ABHD2: variants seen among roughly 807,000 people sequenced by gnomAD.
ABHD2 encodes abhydrolase domain containing 2, acylglycerol lipase, also known as monoacylglycerol lipase ABHD2.
In ABHD2, 20 loss-of-function variants were observed where a neutral mutation model predicts 48.1. That is an observed-to-expected ratio of 0.42 (90% confidence interval 0.29 to 0.60). ABHD2 has a LOEUF of 0.60. Ranked by LOEUF, ABHD2 falls within the 20% of genes least tolerant of loss-of-function variation. The pLI, the probability that ABHD2 is intolerant of heterozygous loss-of-function variation, is 0.24. For missense variants in ABHD2, 405 were observed against 550.9 expected, an observed-to-expected ratio of 0.74 and a Z score of 2.65; for synonymous variants, 209 against 214.2, an observed-to-expected ratio of 0.98 and a Z score of 0.21.
chr15:89,108,039 G>C (rs1160421050), intron 1 of ABHD2, among the ~76,000 whole-genome samples: 1 of 152,186 alleles, frequency 6.6e-6, no homozygotes, highest in Admixed American at 6.5e-5. Flanking sequence ...ATCTGTGGGT[G>C]TTCATGTCAG....
the ABHD2 span, among the ~76,000 whole-genome samples, chr15:89,064,567 G>C: frequency 6.6e-6 from 1 of 151,972 alleles, no homozygotes; most frequent in Non-Finnish European, 1.5e-5. Context: ...TGGACACTTG[G>C]TACAAATAGT....
chr15:89,154,615 C>T (rs1337850767), intron 4 of ABHD2, among the ~76,000 whole-genome samples: 1 of 151,968 alleles, frequency 6.6e-6, no homozygotes, highest in East Asian at 1.9e-4. Context: ...TTTTTTTCTC[C>T]ACACAAAAGG....
chr15:89,174,974 C>G lies in ABHD2; in HGVS notation c.539-838C>G, dbSNP rs1364092149. On this transcript the variant is annotated intron_variant, in intron 5 of 10. Transcript: ENST00000352732. The surrounding 1 kb of genome is among the most constrained non-coding windows in gnomAD (Gnocchi z 4.1). Reference sequence around the variant, plus strand: ...TCTGTGTATTTTTGAATGAGCCTGCCTCCCTTGGCACCCTGTCCCTATGTC... The same window carrying G: ...TCTGTGTATTTTTGAATGAGCCTGCGTCCCTTGGCACCCTGTCCCTATGTC... Among the ~76,000 whole-genome samples the G allele has an allele frequency of 6.6e-6, 1 of 152,190 alleles. No individual in the cohort carries two copies. Among genetic ancestry groups the G allele is most frequent in the African/African-American group, 2.4e-5 (1 of 41,442 alleles).
chr15:89,061,674 G>C, the ABHD2 span, among the ~76,000 whole-genome samples: 8 of 151,928 alleles, frequency 5.3e-5, no homozygotes, highest in African/African-American at 1.7e-4. Context: ...CCAAGTTCAA[G>C]CCATCCTCCC....
the ABHD2 span, chr15:89,070,086 T>A: frequency 2.0e-5 from 3 of 152,218 alleles, no homozygotes; most frequent in Admixed American, 2.0e-4. Flanking sequence ...ACTTATACTA[T>A]ACAGATGTTG....
At chr15:89,138,294 C>T (rs1235101592) in intron 3 of ABHD2, among the ~76,000 whole-genome samples, 1 of 152,244 alleles carries the variant, frequency 6.6e-6, no homozygotes, top group Non-Finnish European at 1.5e-5. Context: ...GGAGCTGCCA[C>T]AAAGCTTCAC....
intron 3 of ABHD2, among the ~76,000 whole-genome samples, chr15:89,123,674 T>G (rs2050088846): frequency 6.7e-6 from 1 of 149,936 alleles, no homozygotes. Context: ...CATGGCTCAT[T>G]GTAGCCTCAA....
In ABHD2 at chr15:89,102,147, G is replaced by A. The variant is rs2049711094; in HGVS notation, c.-106-11578G>A. On this transcript the variant is annotated intron_variant, in intron 1 of 10. Coordinates refer to ENST00000352732, the MANE Select transcript of ABHD2 (RefSeq NM_152924.5). This position sits in a 1 kb window ranked among gnomAD's most constrained non-coding sequence, Gnocchi z 4.8. ...GACCGCCCAGCATTCTTGGGCCTTGGCTCAACTGTGAGCCCAGCCTGACGT... is the reference window on the plus strand; with the variant it reads ...GACCGCCCAGCATTCTTGGGCCTTGACTCAACTGTGAGCCCAGCCTGACGT... 6.6e-6 allele frequency among the ~76,000 whole-genome samples: 1 copy of A among 152,222 alleles called. No individual in the cohort carries two copies. The highest frequency in any genetic ancestry group is 2.1e-4 in the South Asian group (1 of 4,824).
rs926239056 is a variant in ABHD2 at position 89,167,886 on chromosome 15, T to C, written c.539-7926T>C. ...CTTAGGCTAAACTTAGTGGGAAAGA[T>C]ATTCAAGTACCTCTTTCATGTCCCC... On this transcript the variant is annotated intron_variant, in intron 5 of 10. Coordinates refer to ENST00000352732, the MANE Select transcript of ABHD2 (RefSeq NM_152924.5). This position sits in a 1 kb window ranked among gnomAD's most constrained non-coding sequence, Gnocchi z 5.5. Among the ~76,000 whole-genome samples, 1 of 152,240 alleles carries C rather than the reference T, an allele frequency of 6.6e-6. No homozygotes were observed. Among genetic ancestry groups the C allele is most frequent in the African/African-American group, 2.4e-5 (1 of 41,464 alleles).
At chr15:89,069,674 C>CTTTTTTTCTTTTTT in the ABHD2 span, among the ~76,000 whole-genome samples, 1 of 52,896 alleles carries the variant, frequency 1.9e-5, no homozygotes, top group Non-Finnish European at 3.3e-5. Flanking sequence ...TTCATTTACT[C>CTTTTTTTCTTTTTT]TTTTTTTTTT....
chr15:89,125,234 G>T (rs978473535), intron 3 of ABHD2, among the ~76,000 whole-genome samples: 1 of 150,928 alleles, frequency 6.6e-6, no homozygotes, highest in Admixed American at 6.6e-5. Flanking sequence ...CCAGCCTGGC[G>T]ACAGAGGGAG....
At chr15:89,141,317 G>A (rs574454553) in intron 3 of ABHD2, among the ~76,000 whole-genome samples, 3 of 152,126 alleles carry the variant, frequency 2.0e-5, no homozygotes, top group Non-Finnish European at 4.4e-5. Context: ...ACCAAGCTGC[G>A]GGCGACATGT....
At chr15:89,107,454 G>A (rs79115296) in intron 1 of ABHD2, among the ~76,000 whole-genome samples, 192 of 152,244 alleles carry the variant, frequency 1.3e-3, no homozygotes, top group African/African-American at 4.3e-3. Context: ...TTTTGTGGTC[G>A]TTTCTATCTG....
chr15:89,074,263 C>A, the ABHD2 span, among the ~76,000 whole-genome samples: 6 of 152,078 alleles, frequency 3.9e-5, no homozygotes, highest in Non-Finnish European at 7.4e-5. Flanking sequence ...GTAATCCCAG[C>A]TACTCCGGAG....
intron 3 of ABHD2, among the ~76,000 whole-genome samples, chr15:89,141,122 C>T (rs1596108119): frequency 1.3e-5 from 2 of 152,080 alleles, no homozygotes; most frequent in East Asian, 3.9e-4. Context: ...GCATGTGCCA[C>T]CACACCCAGC....
upstream of ABHD2, among the ~76,000 whole-genome samples, chr15:89,083,401 T>G (rs955940373): frequency 6.6e-6 from 1 of 152,196 alleles, no homozygotes; most frequent in East Asian, 1.9e-4. This position sits in a 1 kb window ranked among gnomAD's most constrained non-coding sequence, Gnocchi z 5.1. Context: ...TAAGAAGAAG[T>G]CATCATTAGC....
chr15:89,057,937 A>G, the ABHD2 span, among the ~76,000 whole-genome samples: 3 of 151,958 alleles, frequency 2.0e-5, no homozygotes, highest in African/African-American at 7.3e-5. Context: ...TACCCAGTCC[A>G]TCAGGGACCC....
At position 89,132,521 on chromosome 15, in the gene ABHD2, A is replaced by C. The variant is rs115704189; in HGVS notation, c.194+16000A>C. Among the ~76,000 whole-genome samples the C allele has an allele frequency of 6.7e-3, 1,014 of 152,360 alleles. 11 individuals carry two copies. Among genetic ancestry groups the C allele is most frequent in the African/African-American group, 0.023 (947 of 41,578 alleles). ...ATGTAAATACTCTGCTTTCAGATAG[A>C]TATAGATGAAAAGGAAACAAAAATG... is the stretch of plus-strand genomic sequence containing the variant. On this transcript the variant is annotated intron_variant, in intron 3 of 10. Coordinates refer to ENST00000352732, the MANE Select transcript of ABHD2 (RefSeq NM_152924.5).
At chr15:89,108,670 T>C (rs2049825454) in intron 1 of ABHD2, among the ~76,000 whole-genome samples, 1 of 152,220 alleles carries the variant, frequency 6.6e-6, no homozygotes, top group Non-Finnish European at 1.5e-5. Context: ...GTTCCAAGGC[T>C]GAAAGCATCA....
Sources: allele counts gnomAD v4.1 joint callset (sites outside exome capture counted in the v4.1 genomes callset), GRCh38; gene constraint gnomAD v4.1.1; non-coding constraint Gnocchi (gnomAD v3.1); transcripts MANE v1.5; gene names NCBI Gene and HGNC (gene_info 2026-07-23, HGNC 2026-07-21).